SLC2A9: variants seen among roughly 807,000 people sequenced by gnomAD.
SLC2A9 encodes solute carrier family 2, facilitated glucose transporter member 9.
In SLC2A9, 39 loss-of-function variants were observed where a neutral mutation model predicts 50.6. The ratio of observed to expected loss-of-function variants is 0.77; its 90% CI spans 0.60 to 1.01. The LOEUF is 1.01. Ranked by LOEUF, SLC2A9 falls within the 50% of genes least tolerant of loss-of-function variation. SLC2A9 has a pLI of 0.00. For missense variants in SLC2A9, 686 were observed against 677.6 expected (o/e 1.01, Z -0.14); for synonymous variants, 324 against 276.9 (o/e 1.17, Z -1.69).
At chr4:9,872,644 T>C (rs551412887) in intron 10 of SLC2A9, among the ~76,000 whole-genome samples, 51 of 152,342 alleles carry the variant, frequency 3.3e-4, no homozygotes, top group Non-Finnish European at 6.8e-4. Context: ...GATAAAAGTA[T>C]ATTTTATGCC....
At chr4:10,003,990 C>T (rs925162438) in intron 2 of SLC2A9, among the ~76,000 whole-genome samples, 3 of 152,212 alleles carry the variant, frequency 2.0e-5, no homozygotes, top group South Asian at 4.1e-4. Flanking sequence ...CCCTCCCAAG[C>T]TCACACCATT....
chr4:9,976,906 T>C (rs1288170861), intron 5 of SLC2A9, among the ~76,000 whole-genome samples: 1 of 152,172 alleles, frequency 6.6e-6, no homozygotes, highest in Non-Finnish European at 1.5e-5. Flanking sequence ...CTTTCATAGC[T>C]CCCTGTCTTA....
In SLC2A9 at chr4:9,826,467, T is replaced by A; in HGVS notation, c.1553A>T (p.Asn518Ile). 2 of 1,614,134 alleles carry A rather than the reference T, an allele frequency of 1.2e-6. No individual in the cohort carries two copies. The highest frequency in any genetic ancestry group is 1.7e-6 in the Non-Finnish European group (2 of 1,179,982). The part of the protein sequence containing the change: ...AEISQAFSKR[N>I]KAYPPEEKID... Reference sequence around the variant, plus strand: ...TTTCTCTTCTGGTGGGTATGCTTTGTTCCTTTTGGAAAATGCCTGGCTGAT... The same window carrying A: ...TTTCTCTTCTGGTGGGTATGCTTTGATCCTTTTGGAAAATGCCTGGCTGAT... The change falls in exon 12 of 12, where the codon AAC becomes ATC. Residue 518 changes from asparagine to isoleucine, a missense_variant. By Grantham distance (149) the Asn-to-Ile change is moderately radical (BLOSUM62 -3). Coordinates refer to ENST00000264784, the MANE Select transcript of SLC2A9 (RefSeq NM_020041.3).
intron 3 of SLC2A9, among the ~76,000 whole-genome samples, chr4:9,786,930 C>A (rs945163828): frequency 2.0e-5 from 3 of 152,194 alleles, no homozygotes; most frequent in Non-Finnish European, 2.9e-5. Flanking sequence ...AATTATCCAG[C>A]CCCAAATACC....
intron 5 of SLC2A9, 62 bp from the exon 6 acceptor site, chr4:9,942,107 C>T (rs1278963582): frequency 9.3e-6 from 15 of 1,606,444 alleles, no homozygotes; most frequent in Non-Finnish European, 1.3e-5. Flanking sequence ...GGGGACTGGG[C>T]CACTGGACCA....
chr4:10,027,184 G>A (rs557563674), intron 1 of SLC2A9, among the ~76,000 whole-genome samples: 6 of 152,312 alleles, frequency 3.9e-5, no homozygotes, highest in Admixed American at 1.3e-4. Context: ...AAGGGGCAGT[G>A]GCTGCAGCAG....
chr4:9,931,337 C>A (rs1745868017), intron 6 of SLC2A9, among the ~76,000 whole-genome samples: 1 of 152,134 alleles, frequency 6.6e-6, no homozygotes, highest in Non-Finnish European at 1.5e-5. Context: ...CATTTCCCAA[C>A]TGGGAAAAAA....
chr4:9,974,817 C>A (rs1226439678), intron 5 of SLC2A9, among the ~76,000 whole-genome samples: 1 of 152,032 alleles, frequency 6.6e-6, no homozygotes, highest in East Asian at 1.9e-4. Flanking sequence ...GCAAAAAGAA[C>A]AAAAGCCAGA....
chr4:9,846,570 T>C (rs926427243), intron 10 of SLC2A9, among the ~76,000 whole-genome samples: 1 of 152,202 alleles, frequency 6.6e-6, no homozygotes, highest in African/African-American at 2.4e-5. Context: ...TTGGTCCTTC[T>C]CTAGACCTCA....
intron 6 of SLC2A9, among the ~76,000 whole-genome samples, chr4:9,937,200 T>C (rs1372195772): frequency 6.6e-6 from 1 of 152,188 alleles, no homozygotes; most frequent in Non-Finnish European, 1.5e-5. Flanking sequence ...AAGAGTTGCT[T>C]GTTCTTTAAA....
chr4:9,814,202 C>A (rs1275796381), intron 3 of SLC2A9, among the ~76,000 whole-genome samples: 1 of 152,152 alleles, frequency 6.6e-6, no homozygotes, highest in Non-Finnish European at 1.5e-5. Flanking sequence ...ACATTCTACA[C>A]AGAGGAAACA....
Position 9,980,597 on chromosome 4 carries a change from C to T in SLC2A9, c.676G>A (p.Gly226Arg). The change falls in exon 5 of 12, where the codon GGA (glycine) becomes AGA (arginine). Residue 226 changes from glycine (G) to arginine (R), a missense_variant. Gly to Arg is a moderately radical substitution (Grantham distance 125). Coordinates refer to ENST00000264784, the MANE Select transcript of SLC2A9 (RefSeq NM_020041.3). ...GQLLGLPELLGKESTWPYLFG... is the reference protein window; with the variant it reads ...GQLLGLPELLRKESTWPYLFG... ...GACCAGGGAGCCACACTCACCTTTC[C>T]CAGCAGCTCGGGCAGGCCCAGAAGC... 6.2e-7 allele frequency: 1 copy of T among 1,614,164 alleles called. No homozygotes were observed.
intron 8 of SLC2A9, among the ~76,000 whole-genome samples, chr4:9,891,756 A>G (rs1219838069): frequency 6.6e-6 from 1 of 152,200 alleles, no homozygotes; most frequent in Non-Finnish European, 1.5e-5. Context: ...GGCTTCCTGG[A>G]GGAGGCAGGA....
chr4:9,821,206 G>A (rs1724353030), intron 3 of SLC2A9, among the ~76,000 whole-genome samples: 1 of 152,246 alleles, frequency 6.6e-6, no homozygotes, highest in East Asian at 1.9e-4. Context: ...TTTCCCCTCA[G>A]TCAGTTAATA....
downstream of SLC2A9, among the ~76,000 whole-genome samples, chr4:9,821,922 C>T (rs1418876964): frequency 6.6e-6 from 1 of 152,146 alleles, no homozygotes; most frequent in African/African-American, 2.4e-5. Flanking sequence ...GAATATGGGA[C>T]TATTCAGGTT....
At chr4:9,873,128 A>C (rs1480713674) in intron 10 of SLC2A9, among the ~76,000 whole-genome samples, 2 of 152,154 alleles carry the variant, frequency 1.3e-5, no homozygotes, top group Non-Finnish European at 2.9e-5. Flanking sequence ...AGTGTACCAT[A>C]TGTTCCCAGT....
chr4:9,992,136 T>C (rs1295205241), intron 3 of SLC2A9, among the ~76,000 whole-genome samples: 2 of 152,198 alleles, frequency 1.3e-5, no homozygotes, highest in East Asian at 1.9e-4. Context: ...CCATCCTTCT[T>C]CTGGGAGGAG....
chr4:9,781,638 C>A (rs1225000158), intron 3 of SLC2A9: 1 of 174,310 alleles, frequency 5.7e-6, no homozygotes, highest in Non-Finnish European at 1.2e-5. Flanking sequence ...CGCCTCAGTG[C>A]CAGCCTGGCG....
At chr4:9,979,741 C>T (rs1755389693) in intron 5 of SLC2A9, among the ~76,000 whole-genome samples, 1 of 152,108 alleles carries the variant, frequency 6.6e-6, no homozygotes. Context: ...CCATCCAGGG[C>T]TTCCTATTCC....
Sources: gnomAD v4.1 joint callset for allele counts (sites outside exome capture counted in the v4.1 genomes callset) on GRCh38, gnomAD v4.1.1 for gene constraint, MANE v1.5 for transcripts, NCBI Gene and HGNC (gene_info 2026-07-23, HGNC 2026-07-21) for gene names.